ACOT7: variants seen among roughly 807,000 people sequenced by gnomAD.
ACOT7 encodes the protein cytosolic acyl coenzyme A thioester hydrolase.
A neutral mutation model predicts 40.2 loss-of-function variants in ACOT7; 12 were observed. That is an observed-to-expected ratio of 0.30 (90% CI 0.19 to 0.48). The LOEUF is 0.48. ACOT7 is among the 20% of genes least tolerant of loss of function. The pLI, the probability that ACOT7 is intolerant of heterozygous loss-of-function variation, is 0.99. For synonymous variants in ACOT7, 228 were observed against 219.5 expected, an observed-to-expected ratio of 1.04 and a Z score of -0.34; for missense variants, 395 against 530.8, an observed-to-expected ratio of 0.74 and a Z score of 2.51.
chr1:6,298,887 G>A (rs769529312), intron 6 of ACOT7, among the ~76,000 whole-genome samples: 2 of 152,210 alleles, frequency 1.3e-5, no homozygotes, highest in Admixed American at 1.3e-4. Context: ...TGTCAATATC[G>A]AGGGCTTCCT....
chr1:6,323,485 A>C (rs1162897409), intron 5 of ACOT7, among the ~76,000 whole-genome samples: 1 of 152,122 alleles, frequency 6.6e-6, no homozygotes, highest in African/African-American at 2.4e-5. Flanking sequence ...TGGGAGGCTG[A>C]GGCGGGCGGA....
intron 1 of ACOT7, among the ~76,000 whole-genome samples, chr1:6,381,260 T>C (rs886864089): frequency 1.3e-5 from 2 of 151,852 alleles, no homozygotes; most frequent in African/African-American, 4.8e-5. Flanking sequence ...ATGCACATAA[T>C]ATATACACCT....
Position 6,294,967 on chromosome 1 carries a change from C to A in ACOT7, c.726G>T (p.Lys242Asn). ...HGFVHGGVTM[K>N]LMDEVAGIVA... Reference sequence around the variant, plus strand: ...CGATCCCGGCGACCTCATCCATGAGCTTCATGGTCACACCTGCGGAGAAAG... The same window carrying A: ...CGATCCCGGCGACCTCATCCATGAGATTCATGGTCACACCTGCGGAGAAAG... The change falls in exon 7 of 9, where the codon AAG becomes AAT. Residue 242 changes from lysine (K) to asparagine (N), a missense_variant. Physicochemically the swap from Lys to Asn is moderately conservative, Grantham distance 94. Around this residue, in one of 2 missense-constraint regions of ACOT7, gnomAD observed 309 missense variants for 470.3 expected, o/e 0.66. Coordinates refer to ENST00000361521, the MANE Select transcript of ACOT7 (RefSeq NM_007274.4). This position sits in a 1 kb window ranked among gnomAD's most constrained non-coding sequence, Gnocchi z 4.6. 1.2e-6 allele frequency: 2 copies of A among 1,613,350 alleles called. No individual in the cohort carries two copies. The highest frequency in any genetic ancestry group is 1.7e-6 in the Non-Finnish European group (2 of 1,179,398).
At chr1:6,389,213 A>C (rs1173204162) in intron 1 of ACOT7, among the ~76,000 whole-genome samples, 1 of 152,226 alleles carries the variant, frequency 6.6e-6, no homozygotes, top group Admixed American at 6.5e-5. Flanking sequence ...ACATGGTACA[A>C]CACAATTCCT....
At chr1:6,315,491 C>T (rs968253762) in intron 6 of ACOT7, among the ~76,000 whole-genome samples, 1 of 152,178 alleles carries the variant, frequency 6.6e-6, no homozygotes, top group Admixed American at 6.5e-5. Context: ...GTGGCTCATG[C>T]CTGTAATCCC....
At position 6,390,174 on chromosome 1, in the gene ACOT7, T is replaced by C. The variant is rs568850945; in HGVS notation, c.143+3083A>G. ...CCTACCACCACTCCCGCCTACTCCT[T>C]TGGCAGTCACGCTCTGCACCTGAGG... On this transcript the variant is annotated intron_variant, in intron 1 of 8. Coordinates refer to ENST00000361521, the MANE Select transcript of ACOT7 (RefSeq NM_007274.4). 1.8e-4 allele frequency among the ~76,000 whole-genome samples: 28 copies of C among 152,280 alleles called. No homozygotes were observed. In the South Asian group the frequency reaches 5.2e-3, roughly 28 times the overall value.
chr1:6,302,263 G>A (rs927239593), intron 6 of ACOT7, among the ~76,000 whole-genome samples: 1 of 152,152 alleles, frequency 6.6e-6, no homozygotes, highest in Non-Finnish European at 1.5e-5. Context: ...ATCTCATCTG[G>A]AAGGATCTTT....
chr1:6,297,592 G>A (rs774444486), intron 6 of ACOT7, among the ~76,000 whole-genome samples: 9 of 152,290 alleles, frequency 5.9e-5, no homozygotes, highest in South Asian at 2.1e-4. Context: ...CACCTAATGA[G>A]AGGCACGCAT....
intron 1 of ACOT7, among the ~76,000 whole-genome samples, chr1:6,380,637 T>C (rs1420495005): frequency 2.0e-5 from 3 of 148,740 alleles, no homozygotes; most frequent in Non-Finnish European, 3.0e-5. Flanking sequence ...AAAGACAATC[T>C]TTTCAACAAA....
chr1:6,300,492 C>T (rs1176350403), intron 6 of ACOT7, among the ~76,000 whole-genome samples: 2 of 151,754 alleles, frequency 1.3e-5, no homozygotes, highest in Non-Finnish European at 2.9e-5. Context: ...TCTCACCGGA[C>T]CCCACCCGAT....
chr1:6,296,304 T>C (rs564095315), intron 6 of ACOT7, among the ~76,000 whole-genome samples: 17 of 152,382 alleles, frequency 1.1e-4, no homozygotes, highest in African/African-American at 4.1e-4. Flanking sequence ...ATACTCGGGC[T>C]GCAGATGTCC....
chr1:6,355,898 C>A lies in ACOT7; in HGVS notation c.144-6032G>T, dbSNP rs1293439359. Among the ~76,000 whole-genome samples, 1 of 152,240 alleles carries A rather than the reference C, an allele frequency of 6.6e-6. No individual in the cohort carries two copies. The highest frequency in any genetic ancestry group is 2.1e-4 in the South Asian group (1 of 4,828). ...GCAGGGAGGGGAGCCGCTCCTGCCC[C>A]CTGGCCTCACCTTGAGGGCTGGCCA... On this transcript the variant is annotated intron_variant, in intron 1 of 8. Coordinates refer to ENST00000361521, the MANE Select transcript of ACOT7 (RefSeq NM_007274.4). This position sits in a 1 kb window ranked among gnomAD's most constrained non-coding sequence, Gnocchi z 5.0.
intron 1 of ACOT7, among the ~76,000 whole-genome samples, chr1:6,379,307 C>T (rs750917015): frequency 4.6e-5 from 7 of 151,972 alleles, no homozygotes; most frequent in East Asian, 1.9e-4. Context: ...CCAGCTGTGA[C>T]GGCAAGCAAG....
chr1:6,310,359 G>C (rs144481179), intron 6 of ACOT7, among the ~76,000 whole-genome samples: 1 of 152,238 alleles, frequency 6.6e-6, no homozygotes, highest in Admixed American at 6.5e-5. Context: ...GAACCACTCG[G>C]GGTGCGATCA....
At position 6,281,255 on chromosome 1, in the gene ACOT7, G is replaced by A. The variant is rs1431278130; in HGVS notation, c.861C>T (p.Thr287=). The A allele has an allele frequency of 2.5e-6, 4 of 1,613,712 alleles. No individual in the cohort carries two copies. The highest frequency in any genetic ancestry group is 1.1e-5 in the South Asian group (1 of 91,078). Residue 287 remains threonine (T), a synonymous_variant, in exon 8 of 9, where the codon ACC becomes ACT. Coordinates refer to ENST00000361521, the MANE Select transcript of ACOT7 (RefSeq NM_007274.4). ...TCTCCATGGACTTATTGCTCGTGAA[G>A]GTCATGCGTCCCGAGATGGTGATGA... The part of the protein sequence containing the change: ...GCVITISGRM[T]FTSNKSMEIE...
chr1:6,391,642 T>C (rs554074674), intron 1 of ACOT7, among the ~76,000 whole-genome samples: 2 of 152,308 alleles, frequency 1.3e-5, no homozygotes, highest in East Asian at 3.9e-4. Context: ...TTTCCTTTAT[T>C]CAGGAGAGGG....
chr1:6,369,967 T>A (rs1642097322), intron 1 of ACOT7, among the ~76,000 whole-genome samples: 1 of 152,194 alleles, frequency 6.6e-6, no homozygotes, highest in South Asian at 2.1e-4. Flanking sequence ...CACTATGGTT[T>A]GGATATGAGG....
chr1:6,339,335 G>A (rs1260857309), intron 3 of ACOT7, 98 bp downstream of exon 3: 1 of 1,544,450 alleles, frequency 6.5e-7, no homozygotes. Flanking sequence ...TGGTGGAAAA[G>A]GGGCCAGGCC....
In ACOT7 at chr1:6,299,640, C is replaced by CAGAGAG. The variant is rs57181755; in HGVS notation, c.713-4666_713-4661dup. ...CTGACTAGGTACTAGGTCATGGCTT[C>CAGAGAG]AGAGAGAGAGAGAGAGAGAGCGCAA... On this transcript the variant is annotated intron_variant, in intron 6 of 8. Coordinates refer to ENST00000361521, the MANE Select transcript of ACOT7 (RefSeq NM_007274.4). The surrounding 1 kb of genome is among the most constrained non-coding windows in gnomAD (Gnocchi z 4.1). Among the ~76,000 whole-genome samples, 5 of 148,282 alleles carry CAGAGAG rather than the reference C, an allele frequency of 3.4e-5. No homozygotes were observed. The highest frequency in any genetic ancestry group is 9.8e-5 in the African/African-American group (4 of 40,644).
Sources: allele counts gnomAD v4.1 joint callset (sites outside exome capture counted in the v4.1 genomes callset), GRCh38; gene constraint gnomAD v4.1.1; regional missense constraint gnomAD v4.1.1; non-coding constraint Gnocchi (gnomAD v3.1); transcripts MANE v1.5; gene names NCBI Gene and HGNC (gene_info 2026-07-23, HGNC 2026-07-21).